The following CSMD3 variants were observed in gnomAD, a reference collection of about 807,000 sequenced individuals.
CSMD3 encodes CUB and Sushi multiple domains 3, also known as CUB and sushi domain-containing protein 3.
CSMD3 carries 177 observed loss-of-function variants against 435.2 expected under a neutral mutation model. The ratio of observed to expected loss-of-function variants is 0.41; its 90% CI spans 0.36 to 0.46. The LOEUF (loss-of-function observed/expected upper bound fraction) is 0.46, where lower values mean the gene tolerates loss of function less well. Among genes scored for constraint, CSMD3 ranks in the 20% least tolerant of loss-of-function variants. The pLI, the probability that CSMD3 is intolerant of heterozygous loss-of-function variation, is 0.34. For missense variants in CSMD3, 4,265 were observed against 4,504.6 expected, an observed-to-expected ratio of 0.95 and a Z score of 1.52; for synonymous variants, 1,656 against 1,520.5, an observed-to-expected ratio of 1.09 and a Z score of -2.07.
chr8:112,550,524 C>A (rs942013574), intron 27 of CSMD3, 147 bp downstream of exon 27: 6 of 575,304 alleles, frequency 1.0e-5, no homozygotes, highest in Non-Finnish European at 1.5e-5. Context: ...TATATTTTAC[C>A]TTTGCTGCAG....
rs182703863 is a variant in CSMD3, at chr8:113,407,060, A to G, written c.178+29617T>C. Among the ~76,000 whole-genome samples the G allele has an allele frequency of 4.3e-4, 65 of 152,302 alleles. 1 individual carries two copies. The East Asian group carries it at 0.01, about 24-fold the overall frequency. ...GTAGACTACAAAAGTTAGAAGAGGT[A>G]GCTACATAAAAATTTAGTAAGAACT... On this transcript the variant is annotated intron_variant, in intron 1 of 70. Transcript: ENST00000297405.
At chr8:112,480,495 A>C (rs531712442) in intron 31 of CSMD3, among the ~76,000 whole-genome samples, 1 of 152,242 alleles carries the variant, frequency 6.6e-6, no homozygotes, top group Non-Finnish European at 1.5e-5. Flanking sequence ...AATCCTCAAT[A>C]TTGGAGGTGG....
chr8:112,852,089 A>ACT (rs2080507454), intron 11 of CSMD3, among the ~76,000 whole-genome samples: 1 of 152,146 alleles, frequency 6.6e-6, no homozygotes, highest in African/African-American at 2.4e-5. Context: ...GAGGGTATGG[A>ACT]TCAGCAATAG....
chr8:113,017,630 T>A (rs573887700), intron 6 of CSMD3, among the ~76,000 whole-genome samples: 6 of 152,006 alleles, frequency 3.9e-5, no homozygotes, highest in Non-Finnish European at 7.4e-5. Context: ...TAGAAAGGAA[T>A]CAGAGCCACA....
intron 31 of CSMD3, among the ~76,000 whole-genome samples, chr8:112,489,414 G>T (rs893619296): frequency 6.6e-6 from 1 of 152,154 alleles, no homozygotes; most frequent in African/African-American, 2.4e-5. Flanking sequence ...GACAGAGTGA[G>T]ACCCTGTCTG....
At chr8:112,620,070 T>G (rs945655860) in intron 22 of CSMD3, among the ~76,000 whole-genome samples, 3 of 151,966 alleles carry the variant, frequency 2.0e-5, no homozygotes, top group African/African-American at 7.2e-5. Context: ...TGACTCAAAA[T>G]GTTCAATGTT....
At chr8:112,410,652 G>GTATATATATGTATATATATATGTATA (rs1563913330) in intron 32 of CSMD3, among the ~76,000 whole-genome samples, 6 of 36,596 alleles carry the variant, frequency 1.6e-4, no homozygotes, top group Non-Finnish European at 1.6e-4. Flanking sequence ...ATATATATGT[G>GTATATATATGTATATATATATGTATA]TATATATATG....
At position 112,237,207 on chromosome 8, in the gene CSMD3, A is replaced by G. The variant is rs1206006022; in HGVS notation, c.10610T>C (p.Met3537Thr). Residue 3537 changes from methionine (M) to threonine (T), a missense_variant, in exon 67 of 71, where the codon ATG (methionine) becomes ACG (threonine). By Grantham distance (81) the Met-to-Thr change is moderately conservative (BLOSUM62 -1). Around this residue, in one of 3 missense-constraint regions of CSMD3, gnomAD observed 3,255 missense variants for 3,380.2 expected, o/e 0.96. Coordinates refer to ENST00000297405, the MANE Select transcript of CSMD3 (RefSeq NM_198123.2). ...RVNATLSNSN[M>T]ELLLSGVYKS... ...TGCGATACCTGAAAGTAGCAGCTCC[A>G]TGTTGCTATTGCTCAGTGTTGCGTT... is the stretch of plus-strand genomic sequence containing the variant. The G allele has an allele frequency of 6.2e-7, 1 of 1,613,608 alleles. No individual in the cohort carries two copies. Among genetic ancestry groups the G allele is most frequent in the Non-Finnish European group, 8.5e-7 (1 of 1,179,610 alleles).
chr8:113,250,790 T>A (rs2093327798), intron 3 of CSMD3, among the ~76,000 whole-genome samples: 1 of 152,148 alleles, frequency 6.6e-6, no homozygotes, highest in African/African-American at 2.4e-5. Flanking sequence ...TTAATGGGCT[T>A]GTTTACTGGG....
Position 113,002,360 on chromosome 8 carries a change from TTTA to T in CSMD3, c.1030+16704_1030+16706del, listed in dbSNP as rs1480252725. Among the ~76,000 whole-genome samples, 5 of 152,150 alleles carry T rather than the reference TTTA, an allele frequency of 3.3e-5. No homozygotes were observed. The East Asian group carries it at 7.7e-4, about 23-fold the overall frequency. ...TTATTTTATGTTTTATCCTAATGCA[TTTA>T]TTATTTTTGATCACTTGTGCTAAAC... On this transcript the variant is annotated intron_variant, in intron 6 of 70. Coordinates refer to ENST00000297405, the MANE Select transcript of CSMD3 (RefSeq NM_198123.2).
At position 112,777,366 on chromosome 8, in the gene CSMD3, A is replaced by G. The variant is rs530307864; in HGVS notation, c.1972+22796T>C. On this transcript the variant is annotated intron_variant, in intron 13 of 70. Transcript: ENST00000297405. ...TTGTTTGAATTTTTCTATTTGTATA[A>G]GGCATTTTCATCCTGTTTAGGATGC... is the stretch of plus-strand genomic sequence containing the variant. Among the ~76,000 whole-genome samples, 100 of 151,808 alleles carry G rather than the reference A, an allele frequency of 6.6e-4. 2 individuals carry two copies. Among genetic ancestry groups the G allele is most frequent in the Non-Finnish European group, 4.1e-4 (28 of 67,802 alleles).
At chr8:112,558,867 T>G (rs1348977419) in intron 24 of CSMD3, among the ~76,000 whole-genome samples, 1 of 151,954 alleles carries the variant, frequency 6.6e-6, no homozygotes, top group African/African-American at 2.4e-5. Context: ...TTTAGTTGTA[T>G]AACCTTAGAA....
chr8:113,277,211 T>C (rs1289273763), intron 3 of CSMD3, among the ~76,000 whole-genome samples: 6 of 152,032 alleles, frequency 3.9e-5, no homozygotes, highest in South Asian at 2.1e-4. Context: ...TTTGTGGTTA[T>C]AGTGTTTTAA....
At chr8:112,557,910 G>A (rs1338243023) in intron 24 of CSMD3, among the ~76,000 whole-genome samples, 2 of 151,944 alleles carry the variant, frequency 1.3e-5, no homozygotes, top group African/African-American at 2.4e-5. Flanking sequence ...AGAAATACAA[G>A]AGGCCTAGAT....
At chr8:112,449,612 C>T (rs1159033253) in intron 32 of CSMD3, among the ~76,000 whole-genome samples, 2 of 152,184 alleles carry the variant, frequency 1.3e-5, no homozygotes, top group Non-Finnish European at 2.9e-5. Flanking sequence ...GCAATCATAT[C>T]ATGTACAACA....
intron 24 of CSMD3, among the ~76,000 whole-genome samples, chr8:112,565,282 C>T (rs1828972454): frequency 6.6e-6 from 1 of 151,980 alleles, no homozygotes; most frequent in African/African-American, 2.4e-5. Context: ...CTTTGTTGCT[C>T]CCTTGTAATT....
At chr8:112,513,027 G>C (rs1394414174) in intron 28 of CSMD3, among the ~76,000 whole-genome samples, 2 of 152,254 alleles carry the variant, frequency 1.3e-5, no homozygotes, top group Non-Finnish European at 1.5e-5. Flanking sequence ...AAGAGTTAGG[G>C]CCTTCCTTTG....
intron 59 of CSMD3, among the ~76,000 whole-genome samples, chr8:112,277,279 G>A (rs755339938): frequency 6.6e-5 from 10 of 152,032 alleles, no homozygotes; most frequent in African/African-American, 9.7e-5. Flanking sequence ...ACCAGATACC[G>A]TAAATCATCT....
chr8:112,537,340 AAAC>A (rs1826213469), intron 27 of CSMD3, among the ~76,000 whole-genome samples: 1 of 151,912 alleles, frequency 6.6e-6, no homozygotes, highest in African/African-American at 2.4e-5. Flanking sequence ...AAGAACTAGA[AAAC>A]AATGACAAAT....
Sources: gnomAD v4.1 joint callset for allele counts (sites outside exome capture counted in the v4.1 genomes callset) on GRCh38, gnomAD v4.1.1 for gene constraint, gnomAD v4.1.1 regional missense constraint, MANE v1.5 for transcripts, NCBI Gene and HGNC (gene_info 2026-07-23, HGNC 2026-07-21) for gene names.